HUWE1: variants seen among roughly 807,000 people sequenced by gnomAD.
HUWE1 encodes the protein E3 ubiquitin-protein ligase HUWE1.
HUWE1 carries 18 observed loss-of-function variants against 299.4 expected under a neutral mutation model. The observed-to-expected ratio is 0.06, with a 90% CI of 0.04 to 0.09. The LOEUF is 0.09. Ranked by LOEUF, HUWE1 falls within the 10% of genes least tolerant of loss-of-function variation. HUWE1 has a pLI of 1.00. For synonymous variants in HUWE1, 1,317 were observed against 1,286.1 expected (o/e 1.02, Z -0.51); for missense variants, 1,832 against 3,462.3 (o/e 0.53, Z 11.82).
intron 34 of HUWE1, 145 bp downstream of exon 34, chrX:53,590,855 A>T (rs2064120809): frequency 1.4e-6 from 1 of 726,310 alleles, no homozygotes; most frequent in Non-Finnish European, 2.1e-6. Context: ...TTCTGTTATT[A>T]TGAAAAGAAA....
At chrX:53,600,484 A>T (rs1200019118) in intron 28 of HUWE1, among the ~76,000 whole-genome samples, 175 bp from the exon 29 acceptor site, 1 of 112,519 alleles carries the variant, frequency 8.9e-6, no homozygotes, top group Non-Finnish European at 1.9e-5. Flanking sequence ...GCTCCTCTGG[A>T]GTTCTAAGTA....
chrX:53,670,482 T>A (rs1301711329), intron 3 of HUWE1, among the ~76,000 whole-genome samples: 1 of 111,534 alleles, frequency 9.0e-6, no homozygotes, highest in South Asian at 3.7e-4. Context: ...ATAGGAAATA[T>A]AGGGTATCAT....
At chrX:53,568,001 C>T (rs1398223778) in intron 49 of HUWE1, among the ~76,000 whole-genome samples, 1 of 111,712 alleles carries the variant, frequency 9.0e-6, no homozygotes, top group Non-Finnish European at 1.9e-5. Context: ...GCAACTGCAC[C>T]AAGTTTAGAA....
At chrX:53,626,187 T>C (rs1228983627) in intron 17 of HUWE1, among the ~76,000 whole-genome samples, 2 of 106,252 alleles carry the variant, frequency 1.9e-5, no homozygotes, top group African/African-American at 6.8e-5. Flanking sequence ...ATATCACTAG[T>C]TGCATGTATT....
chrX:53,590,203 C>T (rs190094294), intron 35 of HUWE1, among the ~76,000 whole-genome samples: 8 of 112,264 alleles, frequency 7.1e-5, no homozygotes, highest in Non-Finnish European at 1.3e-4. Context: ...TAAAGATTAA[C>T]GCTTCATATG....
chrX:53,576,359 A>G (rs1006439093), intron 44 of HUWE1, among the ~76,000 whole-genome samples: 3 of 112,280 alleles, frequency 2.7e-5, no homozygotes, highest in African/African-American at 9.7e-5. Flanking sequence ...CCTAATGCTT[A>G]TAAGATGCAC....
intron 44 of HUWE1, 67 bp downstream of exon 44, chrX:53,576,833 T>C (rs892845469): frequency 4.2e-5 from 48 of 1,138,348 alleles, no homozygotes; most frequent in Middle Eastern, 5.8e-4. Context: ...ATGAGTTGGC[T>C]GAAATGACCC....
Position 53,561,886 on chromosome X carries a change from G to A in HUWE1, c.7377C>T (p.Asp2459=), listed in dbSNP as rs1556941477. 3 of 1,209,182 alleles carry A rather than the reference G, an allele frequency of 2.5e-6. No homozygotes were observed. Among genetic ancestry groups the A allele is most frequent in the Non-Finnish European group, 2.2e-6 (2 of 894,908 alleles). Residue 2459 remains aspartate (D), a synonymous_variant, in exon 55 of 84, where the codon GAC becomes GAT. Transcript: ENST00000262854. The part of the protein sequence containing the change: ...DEGEEGDEDD[D]DDGSEMELDE... ...CCAATTCCATCTCAGAGCCATCGTC[G>A]TCATCGTCTTCATCTCCCTCTTCAC... is the stretch of plus-strand genomic sequence containing the variant.
intron 42 of HUWE1, among the ~76,000 whole-genome samples, 191 bp downstream of exon 42, chrX:53,583,367 C>G (rs1556969828): frequency 9.2e-6 from 1 of 109,234 alleles, no homozygotes; most frequent in Non-Finnish European, 1.9e-5. Context: ...GACTTTCTAG[C>G]AATAGGATCA....
chrX:53,670,885 G>A (rs1274162513), intron 3 of HUWE1, among the ~76,000 whole-genome samples: 2 of 111,593 alleles, frequency 1.8e-5, no homozygotes, highest in African/African-American at 6.5e-5. Context: ...CATCTACAAC[G>A]ATACTGGCTA....
intron 2 of HUWE1, among the ~76,000 whole-genome samples, chrX:53,683,501 C>T (rs2070297977): frequency 9.0e-6 from 1 of 111,157 alleles, no homozygotes; most frequent in African/African-American, 3.3e-5. Flanking sequence ...ATTTAACCCC[C>T]AACCCCACTC....
intron 24 of HUWE1, 111 bp downstream of exon 24, chrX:53,608,741 T>C (rs2065280693): frequency 1.7e-6 from 1 of 578,661 alleles, no homozygotes; most frequent in Non-Finnish European, 3.1e-6. Context: ...CCCCTCTTAA[T>C]TGGATTCCAA....
intron 3 of HUWE1, among the ~76,000 whole-genome samples, chrX:53,663,342 G>A (rs782189884): frequency 5.4e-5 from 6 of 112,052 alleles, no homozygotes; most frequent in African/African-American, 1.6e-4. Flanking sequence ...GTGAAACCCC[G>A]TCTCTACTAA....
At position 53,628,876 on chromosome X, in the gene HUWE1, T is replaced by C. The variant is rs1318982687; in HGVS notation, c.990A>G (p.Thr330=). Residue 330 remains threonine (T), a synonymous_variant, in exon 14 of 84, where the codon ACA becomes ACG. Transcript: ENST00000262854. ...LMEIKAASLR[T]LTSIVHLERT... is the part of the protein sequence containing the mutation. ...TCTCCAAGTGGACAATTGATGTTAA[T>C]GTTCGTAAAGAAGCTGCTTTAATCT... The C allele has an allele frequency of 8.3e-7, 1 of 1,206,128 alleles. No homozygotes were observed. The highest frequency in any genetic ancestry group is 1.7e-5 in the African/African-American group (1 of 57,146).
intron 19 of HUWE1, among the ~76,000 whole-genome samples, chrX:53,621,525 C>T (rs2066144667): frequency 9.3e-6 from 1 of 107,515 alleles, no homozygotes; most frequent in Non-Finnish European, 1.9e-5. Context: ...TTCAGTACAA[C>T]TGACAGTCCC....
At position 53,550,371 on chromosome X, in the gene HUWE1, T is replaced by C. The variant is rs1313773369; in HGVS notation, c.9488+295A>G. On this transcript the variant is annotated intron_variant, in intron 66 of 83. Transcript: ENST00000262854. ...TTACAAACTCAAGGCAGGTGGTTAGTTGTTTTACTACTTGCATGGGAGACA... is the reference window on the plus strand; with the variant it reads ...TTACAAACTCAAGGCAGGTGGTTAGCTGTTTTACTACTTGCATGGGAGACA... Among the ~76,000 whole-genome samples the C allele has an allele frequency of 3.6e-5, 4 of 112,214 alleles. No individual in the cohort carries two copies. In the East Asian group the frequency reaches 1.1e-3, roughly 31 times the overall value.
chrX:53,559,060 C>T lies in HUWE1; in HGVS notation c.7916G>A (p.Gly2639Glu). 8.7e-7 allele frequency: 1 copy of T among 1,153,970 alleles called. No individual in the cohort carries two copies. Among genetic ancestry groups the T allele is most frequent in the Non-Finnish European group, 1.2e-6 (1 of 859,932 alleles). Residue 2639 changes from glycine to glutamate, a missense_variant and splice_region_variant, in exon 58 of 84, where the codon GGA (glycine) becomes GAA (glutamate). Transcript: ENST00000262854. The part of the protein sequence containing the change: ...HDQSTATSQA[G>E]TLSSIPTALT... ...GGCTGTGGGGATGCTGGACAGGGTTCCTGTAGGGACAGCAAAGGGGAATGA... is the reference window on the plus strand; with the variant it reads ...GGCTGTGGGGATGCTGGACAGGGTTTCTGTAGGGACAGCAAAGGGGAATGA...
chrX:53,569,587 A>C (rs1556948856), intron 48 of HUWE1, 29 bp downstream of exon 48: 78 of 1,180,138 alleles, frequency 6.6e-5, no homozygotes, highest in Non-Finnish European at 8.8e-5. Flanking sequence ...GTTCTTGGCT[A>C]TTAGCCCTGG....
intron 77 of HUWE1, among the ~76,000 whole-genome samples, chrX:53,538,084 A>G (rs1199064855): frequency 9.0e-6 from 1 of 111,675 alleles, no homozygotes; most frequent in African/African-American, 3.3e-5. Context: ...ATGGAACAGA[A>G]CTTTAGAAAC....
Sources: gnomAD v4.1 joint callset for allele counts (sites outside exome capture counted in the v4.1 genomes callset) on GRCh38, gnomAD v4.1.1 for gene constraint, MANE v1.5 for transcripts, NCBI Gene and HGNC (gene_info 2026-07-23, HGNC 2026-07-21) for gene names.